Variants in PTCH2 observed in about 807,000 individuals in gnomAD.
PTCH2 encodes the protein patched 2, also known as protein patched homolog 2.
PTCH2 carries 96 observed loss-of-function variants against 117.9 expected under a neutral mutation model. The observed-to-expected ratio is 0.81, with a 90% CI of 0.69 to 0.96. The LOEUF (loss-of-function observed/expected upper bound fraction) is 0.96, where lower values mean the gene tolerates loss of function less well. Among genes scored for constraint, PTCH2 ranks in the 50% least tolerant of loss-of-function variants. The pLI, the probability that PTCH2 is intolerant of heterozygous loss-of-function variation, is 0.00. For synonymous variants in PTCH2, 615 were observed against 660.9 expected, an observed-to-expected ratio of 0.93 and a Z score of 1.06; for missense variants, 1,379 against 1,562.5, an observed-to-expected ratio of 0.88 and a Z score of 1.98.
chr1:44,841,141 C>G (rs1653928398), intron 2 of PTCH2, among the ~76,000 whole-genome samples: 1 of 151,800 alleles, frequency 6.6e-6, no homozygotes, highest in South Asian at 2.1e-4. Context: ...TGCACTCCAG[C>G]CTGGGTGACA....
At position 44,826,277 on chromosome 1, in the gene PTCH2, G is replaced by A. The variant is rs753377256; in HGVS notation, c.3087C>T (p.Gly1029=). ...GAGCCACGTGGACTGTGAACTCAAC[G>A]CCAATGCCTACAGAGGCCACAAGGA... The part of the protein sequence containing the change: ...VVILVASVGI[G]VEFTVHVALG... Residue 1029 remains glycine, a synonymous_variant, in exon 19 of 22, where the codon GGC becomes GGT. Transcript: ENST00000372192. This position sits in a 1 kb window ranked among gnomAD's most constrained non-coding sequence, Gnocchi z 5.1. 9 of 1,613,956 alleles carry A rather than the reference G, an allele frequency of 5.6e-6. No individual in the cohort carries two copies. The highest frequency in any genetic ancestry group is 2.7e-5 in the African/African-American group (2 of 74,914).
intron 2 of PTCH2, among the ~76,000 whole-genome samples, chr1:44,840,204 G>A (rs1653883675): frequency 6.6e-6 from 1 of 150,548 alleles, no homozygotes; most frequent in Non-Finnish European, 1.5e-5. Flanking sequence ...CCAGGTTCAA[G>A]CAATTCTCCT....
intron 21 of PTCH2, 67 bp from the exon 22 acceptor site, chr1:44,822,736 G>A (rs781174030): frequency 7.7e-5 from 115 of 1,499,484 alleles, no homozygotes; most frequent in Non-Finnish European, 1.0e-4. Flanking sequence ...TTAGCATCTC[G>A]CTGGGGATTA....
At position 44,826,244 on chromosome 1, in the gene PTCH2, G is replaced by T; in HGVS notation, c.3114+6C>A. ...ATTGGTCCCTCCCCGGGGTGCCCGTGCTCACCAGAGCCACGTGGACTGTGA... is the reference window on the plus strand; with the variant it reads ...ATTGGTCCCTCCCCGGGGTGCCCGTTCTCACCAGAGCCACGTGGACTGTGA... On this transcript the variant is annotated splice_donor_region_variant and intron_variant, in intron 19 of 21. Coordinates refer to ENST00000372192, the MANE Select transcript of PTCH2 (RefSeq NM_003738.5). This position sits in a 1 kb window ranked among gnomAD's most constrained non-coding sequence, Gnocchi z 5.1. 6.2e-7 allele frequency: 1 copy of T among 1,613,882 alleles called. No homozygotes were observed. The highest frequency in any genetic ancestry group is 8.5e-7 in the Non-Finnish European group (1 of 1,179,964).
intron 6 of PTCH2, among the ~76,000 whole-genome samples, chr1:44,830,601 A>G (rs1177958830): frequency 6.6e-6 from 1 of 150,702 alleles, no homozygotes; most frequent in Non-Finnish European, 1.5e-5. Flanking sequence ...AAAAAAAAAA[A>G]AAAGAAGTCC....
chr1:44,843,201 G>A lies in PTCH2; in HGVS notation c.-269C>T. The A allele has an allele frequency of 8.3e-7, 1 of 1,205,260 alleles. No individual in the cohort carries two copies. 74.7% of individuals were successfully genotyped at this position (1,205,260 alleles called of 1,614,324 possible). On this transcript the variant is annotated 5_prime_UTR_variant, in exon 1 of 22. Transcript: ENST00000372192. ...GCTGGAGGAGGAATGGGTCCCGCGC[G>A]CAGGCGGAATTGCTGGCCCGAGACG...
intron 2 of PTCH2, among the ~76,000 whole-genome samples, chr1:44,834,329 G>T (rs576335406): frequency 5.5e-4 from 84 of 151,834 alleles, no homozygotes; most frequent in African/African-American, 2.0e-3. Flanking sequence ...CACCCTGTTC[G>T]CCAGGCTGAT....
At chr1:44,820,046 C>A, downstream of PTCH2, 1 of 214,260 alleles carries the variant, frequency 4.7e-6, no homozygotes, top group Admixed American at 5.4e-5. Context: ...ACACTTAACA[C>A]ACTTATGGTT....
In PTCH2 at chr1:44,842,030, C is replaced by T. The variant is rs1167299722; in HGVS notation, c.82G>A (p.Gly28Arg). 1.2e-6 allele frequency: 2 copies of T among 1,611,956 alleles called. No individual in the cohort carries two copies. The highest frequency in any genetic ancestry group is 1.7e-6 in the Non-Finnish European group (2 of 1,178,360). Reference protein sequence around the residue: ...ARTAAPQILAGSLKAPLWLRA... With the variant: ...ARTAAPQILARSLKAPLWLRA... ...AGCCAGAGTGGAGCCTTCAGGCTCCCAGCTAGGATCTGGGATGGAAAGAGA... is the reference window on the plus strand; with the variant it reads ...AGCCAGAGTGGAGCCTTCAGGCTCCTAGCTAGGATCTGGGATGGAAAGAGA... Residue 28 changes from glycine (G) to arginine (R), a missense_variant, in exon 2 of 22, where the codon GGG becomes AGG. By Grantham distance (125) the Gly-to-Arg change is moderately radical. Transcript: ENST00000372192.
At chr1:44,836,013 A>G (rs1653670474) in intron 2 of PTCH2, among the ~76,000 whole-genome samples, 1 of 152,230 alleles carries the variant, frequency 6.6e-6, no homozygotes, top group South Asian at 2.1e-4. Context: ...TGACTTGGCC[A>G]GATGGAGATT....
At chr1:44,822,779 G>T (rs1652965692) in intron 21 of PTCH2, 110 bp from the exon 22 acceptor site, 1 of 1,199,668 alleles carries the variant, frequency 8.3e-7, no homozygotes, top group Non-Finnish European at 1.2e-6. Context: ...GCCCTTGTTG[G>T]TCTCCAGCAG....
At position 44,827,075 on chromosome 1, in the gene PTCH2, G is replaced by A. The variant is rs1653186238; in HGVS notation, c.2522C>T (p.Thr841Ile). Residue 841 changes from threonine (T) to isoleucine (I), a missense_variant, in exon 17 of 22, where the codon ACA becomes ATA. Transcript: ENST00000372192. ...QEPLDFSQLT[T>I]RKLVDREGLI... is the part of the protein sequence containing the mutation. ...TCCCTCTCTGTCCACCAGCTTCCTT[G>A]TGGTCAGCTGCAGAGGCAGAGAGGG... is the stretch of plus-strand genomic sequence containing the variant. 6.2e-7 allele frequency: 1 copy of A among 1,614,064 alleles called. No individual in the cohort carries two copies.
chr1:44,827,929 A>G lies in PTCH2; in HGVS notation c.1972T>C (p.Cys658Arg). Residue 658 changes from cysteine to arginine, a missense_variant, in exon 14 of 22, where the codon TGC (cysteine) becomes CGC (arginine). Cys to Arg is a radical substitution (Grantham distance 180, BLOSUM62 -3). Transcript: ENST00000372192. ...CAGCGGGCACAGGGCAGGGACTTGC[A>G]GGCTGCCTTCTGCCTTGTCTCCTCC... The part of the protein sequence containing the change: ...QEEETRQKAA[C>R]KSLPCARWNL... The G allele has an allele frequency of 6.2e-7, 1 of 1,614,230 alleles. No individual in the cohort carries two copies. The highest frequency in any genetic ancestry group is 8.5e-7 in the Non-Finnish European group (1 of 1,180,044).
Position 44,823,359 on chromosome 1 carries a change from CCGG to C in PTCH2, c.3138_3140del (p.Ser1046del). 6.2e-7 allele frequency: 1 copy of C among 1,614,222 alleles called. No individual in the cohort carries two copies. The highest frequency in any genetic ancestry group is 1.3e-5 in the African/African-American group (1 of 75,048). ...CAAGGGCATGGGCGGCCCGCAGGTT[CCGG>C]CTGCCCTGGGTGGTCAGGAAGCCCT... On this transcript the variant is annotated inframe_deletion, in exon 20 of 22. Transcript: ENST00000372192. This position sits in a 1 kb window ranked among gnomAD's most constrained non-coding sequence, Gnocchi z 5.1.
Position 44,843,192 on chromosome 1 carries a change from G to T in PTCH2, c.-260C>A. On this transcript the variant is annotated 5_prime_UTR_variant, in exon 1 of 22. Coordinates refer to ENST00000372192, the MANE Select transcript of PTCH2 (RefSeq NM_003738.5). ...GCCGCGGCGGCTGGAGGAGGAATGG[G>T]TCCCGCGCGCAGGCGGAATTGCTGG... The T allele has an allele frequency of 8.2e-7, 1 of 1,216,230 alleles. No individual in the cohort carries two copies. Among genetic ancestry groups the T allele is most frequent in the South Asian group, 2.8e-5 (1 of 35,392 alleles). The allele number at this position is 1,216,230 out of a possible 1,614,324, so 75.3% of individuals were successfully genotyped here. A position where few individuals can be genotyped will look rare whatever the true frequency, so the allele number is the denominator to read the frequency against.
Position 44,831,881 on chromosome 1 carries a change from G to C in PTCH2, c.526-84C>G. On this transcript the variant is annotated intron_variant, in intron 4 of 21. Transcript: ENST00000372192. This position sits in a 1 kb window ranked among gnomAD's most constrained non-coding sequence, Gnocchi z 4.3. ...CTGCAATCCCCCTCCTTAGTTTTAA[G>C]GGGGCAGATTGCAGGCTGTGGGGCT... 1 of 1,578,434 alleles carries C rather than the reference G, an allele frequency of 6.3e-7. No individual in the cohort carries two copies. The highest frequency in any genetic ancestry group is 8.7e-7 in the Non-Finnish European group (1 of 1,147,818).
downstream of PTCH2, among the ~76,000 whole-genome samples, chr1:44,820,985 A>G (rs1001201102): frequency 1.3e-5 from 2 of 152,108 alleles, no homozygotes; most frequent in Non-Finnish European, 2.9e-5. Context: ...TTCAATTGCA[A>G]TAGGCGTTTT....
rs763413121 is a variant in PTCH2, at chr1:44,822,521, AG to A, written c.3505del (p.Leu1169CysfsTer85). 2.7e-5 allele frequency: 43 copies of A among 1,610,988 alleles called. No homozygotes were observed. The highest frequency in any genetic ancestry group is 2.0e-4 in the East Asian group (9 of 44,816). ...SMTVAIHPPP[L>X]PGAYIHPAPD... ...GGCTGGATGGATGTAGGCACCAGGC[AG>A]GGGGGGTGGGTGGATGGCCACGGTC... is the stretch of plus-strand genomic sequence containing the variant. On this transcript the variant is annotated frameshift_variant, in exon 22 of 22. Coordinates refer to ENST00000372192, the MANE Select transcript of PTCH2 (RefSeq NM_003738.5). LOFTEE classifies it low-confidence loss of function (END_TRUNC).
At position 44,827,469 on chromosome 1, in the gene PTCH2, C is replaced by T. The variant is rs756917724; in HGVS notation, c.2304G>A (p.Ala768=). The T allele has an allele frequency of 5.6e-5, 91 of 1,613,940 alleles. No homozygotes were observed. The highest frequency in any genetic ancestry group is 7.2e-5 in the Non-Finnish European group (85 of 1,179,990). Reference sequence around the variant, plus strand: ...CCTGGGTGGCCGGTGGGGGCAGCACCGCCTTGAGGGAACTGAAGCGCTGGT... The same window carrying T: ...CCTGGGTGGCCGGTGGGGGCAGCACTGCCTTGAGGGAACTGAAGCGCTGGT... ...DLHQRFSSLK[A]VLPPPATQAP... The change falls in exon 15 of 22, where the codon GCG becomes GCA. Residue 768 remains alanine (A), a synonymous_variant. Transcript: ENST00000372192.
Sources: allele counts gnomAD v4.1 joint callset (sites outside exome capture counted in the v4.1 genomes callset), GRCh38; gene constraint gnomAD v4.1.1; non-coding constraint Gnocchi (gnomAD v3.1); transcripts MANE v1.5; gene names NCBI Gene and HGNC (gene_info 2026-07-23, HGNC 2026-07-21).